FMNL2: variants seen among roughly 807,000 people sequenced by gnomAD.
The protein encoded by FMNL2 is formin like 2.
Under a neutral mutation model 130.2 loss-of-function variants are expected in FMNL2, and 51 were observed. The observed-to-expected ratio is 0.39, with a 90% confidence interval of 0.31 to 0.49. The LOEUF is 0.49. Ranked by LOEUF, FMNL2 falls within the 20% of genes least tolerant of loss-of-function variation. FMNL2 has a pLI of 0.85. For synonymous variants in FMNL2, 465 were observed against 467.1 expected (o/e 1.00, Z 0.06); for missense variants, 977 against 1,316.2 (o/e 0.74, Z 3.99).
chr2:152,523,479 A>G (rs1197202892), intron 2 of FMNL2, among the ~76,000 whole-genome samples: 5 of 152,366 alleles, frequency 3.3e-5, no homozygotes, highest in African/African-American at 1.2e-4. Flanking sequence ...ACTGAAAAAA[A>G]CTTACATGAA....
At chr2:152,374,025 T>C (rs1684032627) in intron 1 of FMNL2, among the ~76,000 whole-genome samples, 1 of 152,174 alleles carries the variant, frequency 6.6e-6, no homozygotes, top group Admixed American at 6.5e-5. Flanking sequence ...TATTTGAAAC[T>C]ATGGTTGATC....
At chr2:152,377,326 T>C (rs1021003554) in intron 1 of FMNL2, among the ~76,000 whole-genome samples, 3 of 152,252 alleles carry the variant, frequency 2.0e-5, no homozygotes, top group African/African-American at 7.2e-5. Flanking sequence ...CACTAGATCT[T>C]GAAAGTTTTT....
chr2:152,368,968 T>C (rs1683721557), intron 1 of FMNL2, among the ~76,000 whole-genome samples: 1 of 152,244 alleles, frequency 6.6e-6, no homozygotes. Flanking sequence ...TATATCTGAA[T>C]CATCATCTTT....
At chr2:152,363,562 C>CT (rs150611360) in intron 1 of FMNL2, among the ~76,000 whole-genome samples, 13 of 149,590 alleles carry the variant, frequency 8.7e-5, no homozygotes, top group African/African-American at 1.5e-4. Flanking sequence ...TTTTTCTTTT[C>CT]TTTTTTTTTT....
chr2:152,384,394 C>G (rs1462016944), intron 1 of FMNL2, among the ~76,000 whole-genome samples: 1 of 152,140 alleles, frequency 6.6e-6, no homozygotes, highest in East Asian at 1.9e-4. Context: ...TGAGGTAGGG[C>G]CTGGGCATTG....
At chr2:152,381,493 T>G (rs1405136262) in intron 1 of FMNL2, among the ~76,000 whole-genome samples, 1 of 152,246 alleles carries the variant, frequency 6.6e-6, no homozygotes, top group Non-Finnish European at 1.5e-5. Context: ...AGATCATATT[T>G]GAAGTTCTTC....
Position 152,352,753 on chromosome 2 carries a change from T to C in FMNL2, c.117+17033T>C, listed in dbSNP as rs1682568708. Among the ~76,000 whole-genome samples the C allele has an allele frequency of 2.0e-5, 3 of 152,144 alleles. No individual in the cohort carries two copies. In the South Asian group the frequency reaches 6.2e-4, roughly 31 times the overall value. On this transcript the variant is annotated intron_variant, in intron 1 of 25. Transcript: ENST00000288670. Reference sequence around the variant, plus strand: ...CTAGTAACAGTTGTCCTCTGAAGGCTTTCTGAAGGCTCTCTTTCAGACAAC... The same window carrying C: ...CTAGTAACAGTTGTCCTCTGAAGGCCTTCTGAAGGCTCTCTTTCAGACAAC...
rs577792462 is a variant in FMNL2, at chr2:152,424,137, C to T, written c.117+88417C>T. ...AGCAACCATGATAGTAATTCCCTCT[C>T]GGCCTCAAAGGGAAAATGACCACTC... On this transcript the variant is annotated intron_variant, in intron 1 of 25. Coordinates refer to ENST00000288670, the MANE Select transcript of FMNL2 (RefSeq NM_052905.4). Among the ~76,000 whole-genome samples the T allele has an allele frequency of 4.6e-5, 7 of 152,230 alleles. No homozygotes were observed. The South Asian group carries it at 1.0e-3, about 23-fold the overall frequency.
chr2:152,371,325 A>G (rs1683860534), intron 1 of FMNL2, among the ~76,000 whole-genome samples: 1 of 151,928 alleles, frequency 6.6e-6, no homozygotes, highest in African/African-American at 2.4e-5. Flanking sequence ...TGCTTTCTCT[A>G]ATGTTGTCAG....
intron 10 of FMNL2, 160 bp downstream of exon 10, chr2:152,607,573 C>A: frequency 1.7e-6 from 1 of 578,250 alleles, no homozygotes; most frequent in Non-Finnish European, 3.1e-6. Flanking sequence ...GAATGTCCCT[C>A]TTAATCTGTA....
intron 1 of FMNL2, among the ~76,000 whole-genome samples, chr2:152,388,691 C>T (rs1184455666): frequency 1.3e-5 from 2 of 152,174 alleles, no homozygotes; most frequent in South Asian, 4.1e-4. Flanking sequence ...ACCACAGATT[C>T]TTCTTTTAAT....
At chr2:152,538,446 A>T (rs971836363) in intron 2 of FMNL2, among the ~76,000 whole-genome samples, 8 of 151,866 alleles carry the variant, frequency 5.3e-5, no homozygotes, top group Non-Finnish European at 7.4e-5. Context: ...CGCCTGACTA[A>T]TTTTTGTATT....
chr2:152,430,648 G>A (rs185538670), intron 1 of FMNL2, among the ~76,000 whole-genome samples: 2 of 152,246 alleles, frequency 1.3e-5, no homozygotes, highest in Admixed American at 1.3e-4. Context: ...CGAGGTGGGC[G>A]GATTGCCTGA....
intron 9 of FMNL2, among the ~76,000 whole-genome samples, chr2:152,602,526 C>A (rs774119465): frequency 6.6e-6 from 1 of 152,168 alleles, no homozygotes; most frequent in Non-Finnish European, 1.5e-5. Flanking sequence ...TTCTCCCCAC[C>A]CCACTTAATA....
chr2:152,389,788 C>A (rs570283566), intron 1 of FMNL2: 2 of 1,479,448 alleles, frequency 1.4e-6, no homozygotes, highest in South Asian at 1.2e-5. Flanking sequence ...CTTCCTTCGA[C>A]GCAAAACAGA....
intron 21 of FMNL2, among the ~76,000 whole-genome samples, chr2:152,632,480 A>AT (rs1274940988): frequency 6.6e-6 from 1 of 152,192 alleles, no homozygotes; most frequent in Non-Finnish European, 1.5e-5. Context: ...TTTTAATTTG[A>AT]TTTTGTGCCA....
chr2:152,622,488 A>G (rs1337725903), intron 15 of FMNL2: 1 of 456,602 alleles, frequency 2.2e-6, no homozygotes. Context: ...GACTCTAACC[A>G]TATCTAATTT....
chr2:152,566,452 G>A (rs1215933930), intron 6 of FMNL2, among the ~76,000 whole-genome samples: 1 of 152,186 alleles, frequency 6.6e-6, no homozygotes, highest in Admixed American at 6.5e-5. Flanking sequence ...TGAAGTAGTA[G>A]TGAAACAACT....
chr2:152,356,317 T>G lies in FMNL2; in HGVS notation c.117+20597T>G, dbSNP rs866787183. 3.9e-3 allele frequency among the ~76,000 whole-genome samples: 587 copies of G among 152,198 alleles called. 2 individuals carry two copies. The highest frequency in any genetic ancestry group is 0.013 in the African/African-American group (537 of 41,520). On this transcript the variant is annotated intron_variant, in intron 1 of 25. Coordinates refer to ENST00000288670, the MANE Select transcript of FMNL2 (RefSeq NM_052905.4). ...TTTTTGTATTTTTGTGTAGACAGGG[T>G]TTCACCATGTTGGTGAGGCTGGTCT...
Sources: gnomAD v4.1 joint callset for allele counts (sites outside exome capture counted in the v4.1 genomes callset) on GRCh38, gnomAD v4.1.1 for gene constraint, MANE v1.5 for transcripts, NCBI Gene and HGNC (gene_info 2026-07-23, HGNC 2026-07-21) for gene names.